The following UBE2R2 variants were observed in gnomAD, a reference collection of about 807,000 sequenced individuals.
The protein encoded by UBE2R2 is ubiquitin conjugating enzyme E2 R2, also known as ubiquitin-conjugating enzyme E2 R2.
Under a neutral mutation model 27.8 loss-of-function variants are expected in UBE2R2, and 1 was observed. That is an observed-to-expected ratio of 0.04 (90% confidence interval 0.01 to 0.17). UBE2R2 has a LOEUF of 0.17. Among genes scored for constraint, UBE2R2 ranks in the 10% least tolerant of loss-of-function variants. UBE2R2 has a pLI of 1.00. For missense variants in UBE2R2, 100 were observed against 291.0 expected, an observed-to-expected ratio of 0.34 and a Z score of 4.78; for synonymous variants, 106 against 113.3, an observed-to-expected ratio of 0.94 and a Z score of 0.41.
At chr9:33,865,192 CTCTA>C (rs57240208) in intron 1 of UBE2R2, among the ~76,000 whole-genome samples, 34 of 151,174 alleles carry the variant, frequency 2.2e-4, no homozygotes, top group East Asian at 1.4e-3. Context: ...CTGTCTCTCT[CTCTA>C]TCTATCTATC....
At chr9:33,856,227 C>T (rs939618197) in intron 1 of UBE2R2, among the ~76,000 whole-genome samples, 2 of 152,054 alleles carry the variant, frequency 1.3e-5, no homozygotes, top group South Asian at 2.1e-4. Flanking sequence ...CTCCTACTCC[C>T]GGTCAGTCCT....
At position 33,882,822 on chromosome 9, in the gene UBE2R2, C is replaced by A. The variant is rs73490826; in HGVS notation, c.178-4059C>A. 2.6e-3 allele frequency among the ~76,000 whole-genome samples: 397 copies of A among 152,298 alleles called. 5 individuals are homozygous for A. The highest frequency in any genetic ancestry group is 8.9e-3 in the African/African-American group (370 of 41,562). On this transcript the variant is annotated intron_variant, in intron 1 of 4. Transcript: ENST00000263228. ...AGAAACCTTGTGCCGAGGATAGTGG[C>A]TGATACCTGTAATCCTAGCACTTTG...
chr9:33,908,678 C>T (rs547018275), intron 3 of UBE2R2, among the ~76,000 whole-genome samples: 4 of 152,146 alleles, frequency 2.6e-5, no homozygotes, highest in African/African-American at 9.6e-5. Flanking sequence ...AATTTGTTTC[C>T]CAATATACAC....
intron 1 of UBE2R2, among the ~76,000 whole-genome samples, chr9:33,880,353 A>G (rs575193175): frequency 2.0e-5 from 3 of 152,072 alleles, no homozygotes; most frequent in Admixed American, 6.5e-5. Flanking sequence ...ACAATTTTCT[A>G]AGTAACTTTG....
intron 3 of UBE2R2, among the ~76,000 whole-genome samples, chr9:33,911,478 CAA>C (rs1211105138): frequency 2.1e-5 from 3 of 142,530 alleles, no homozygotes; most frequent in Non-Finnish European, 4.6e-5. Flanking sequence ...GCTCCCACAT[CAA>C]GATTGCCTTG....
intron 1 of UBE2R2, among the ~76,000 whole-genome samples, chr9:33,842,607 A>G (rs1485712939): frequency 1.3e-5 from 2 of 152,258 alleles, no homozygotes; most frequent in East Asian, 1.9e-4. Context: ...CTTCATACAG[A>G]TTGGTACTGC....
At chr9:33,891,836 A>C (rs762876217) in intron 2 of UBE2R2, among the ~76,000 whole-genome samples, 4 of 151,890 alleles carry the variant, frequency 2.6e-5, no homozygotes, top group Admixed American at 6.6e-5. Flanking sequence ...TTGGCTGGGC[A>C]CAGTGGCTTA....
At chr9:33,911,805 T>A (rs998490318) in intron 3 of UBE2R2, among the ~76,000 whole-genome samples, 159 bp from the exon 4 acceptor site, 19 of 152,204 alleles carry the variant, frequency 1.2e-4, no homozygotes, top group African/African-American at 3.9e-4. Context: ...CAATAAAAAA[T>A]TTATATCTCT....
intron 3 of UBE2R2, among the ~76,000 whole-genome samples, chr9:33,905,891 A>C (rs951887880): frequency 4.6e-5 from 7 of 152,192 alleles, no homozygotes; most frequent in African/African-American, 1.7e-4. Context: ...AGTCAGTAAG[A>C]GTGGTAGTAA....
At chr9:33,884,342 T>G (rs1299058552) in intron 1 of UBE2R2, among the ~76,000 whole-genome samples, 1 of 148,974 alleles carries the variant, frequency 6.7e-6, no homozygotes, top group African/African-American at 2.5e-5. Context: ...CTGAGTGCAG[T>G]GGTATGATCA....
At chr9:33,869,006 G>A (rs960212313) in intron 1 of UBE2R2, among the ~76,000 whole-genome samples, 16 of 152,114 alleles carry the variant, frequency 1.1e-4, no homozygotes, top group African/African-American at 3.9e-4. Context: ...GGTGGCTCAC[G>A]CCTATAATCT....
intron 1 of UBE2R2, among the ~76,000 whole-genome samples, chr9:33,838,937 C>A (rs1186366491): frequency 6.6e-6 from 1 of 151,844 alleles, no homozygotes; most frequent in Non-Finnish European, 1.5e-5. Flanking sequence ...CAAAAACTAG[C>A]CGAGCATGGT....
chr9:33,826,671 TCTGG>T lies in UBE2R2; in HGVS notation c.177+8738_177+8741del, dbSNP rs1358145050. On this transcript the variant is annotated intron_variant, in intron 1 of 4. Coordinates refer to ENST00000263228, the MANE Select transcript of UBE2R2 (RefSeq NM_017811.4). The stretch of plus-strand genomic sequence containing the variant: ...CTGAGATCACGCCATTGCACTCCAG[TCTGG>T]GCAACAGAGTGAGACTCTGTCCCCT... Among the ~76,000 whole-genome samples, 15 of 151,836 alleles carry T rather than the reference TCTGG, an allele frequency of 9.9e-5. No homozygotes were observed. The East Asian group carries it at 2.7e-3, about 27-fold the overall frequency.
At chr9:33,885,916 AGG>A (rs562463575) in intron 1 of UBE2R2, among the ~76,000 whole-genome samples, 374 of 152,340 alleles carry the variant, frequency 2.5e-3, no homozygotes, top group Non-Finnish European at 4.3e-3. Flanking sequence ...GTAACAGCAA[AGG>A]TGTGAGAAAC....
chr9:33,876,994 A>G (rs1243059715), intron 1 of UBE2R2, among the ~76,000 whole-genome samples: 1 of 151,672 alleles, frequency 6.6e-6, no homozygotes, highest in Non-Finnish European at 1.5e-5. Flanking sequence ...AATAACAAAA[A>G]TTAGCCAGGC....
At chr9:33,911,655 C>G (rs1345850220) in intron 3 of UBE2R2, among the ~76,000 whole-genome samples, 2 of 152,050 alleles carry the variant, frequency 1.3e-5, no homozygotes, top group Non-Finnish European at 2.9e-5. Context: ...GTGCATTACC[C>G]TTATACTAGA....
chr9:33,828,548 G>A (rs1329238732), intron 1 of UBE2R2, among the ~76,000 whole-genome samples: 1 of 150,328 alleles, frequency 6.7e-6, no homozygotes, highest in Non-Finnish European at 1.5e-5. Context: ...GCCACCACCG[G>A]GCTAATTTTT....
chr9:33,916,953 C>T, intron 4 of UBE2R2, 65 bp from the exon 5 acceptor site: 1 of 1,580,808 alleles, frequency 6.3e-7, no homozygotes, highest in Admixed American at 1.8e-5. Context: ...TTATTTAAGG[C>T]CAATTATAAA....
chr9:33,903,529 T>G, intron 3 of UBE2R2, among the ~76,000 whole-genome samples: 1 of 152,318 alleles, frequency 6.6e-6, no homozygotes, highest in East Asian at 1.9e-4. Flanking sequence ...CCACCACCCA[T>G]GGGAATTCAG....
Sources: gnomAD v4.1 joint callset for allele counts (sites outside exome capture counted in the v4.1 genomes callset) on GRCh38, gnomAD v4.1.1 for gene constraint, MANE v1.5 for transcripts, NCBI Gene and HGNC (gene_info 2026-07-23, HGNC 2026-07-21) for gene names.